The following HDAC3 variants were observed in gnomAD, a reference collection of about 807,000 sequenced individuals.
HDAC3 encodes histone deacetylase 3, also known as SMAP45.
Under a neutral mutation model 62.3 loss-of-function variants are expected in HDAC3, and 21 were observed. That is an observed-to-expected ratio of 0.34 (90% CI 0.24 to 0.49). The LOEUF is 0.49. Among genes scored for constraint, HDAC3 ranks in the 20% least tolerant of loss-of-function variants. The probability of loss-of-function intolerance (pLI) is 0.99; values close to 1 mark genes in which losing one functional copy is unlikely to be tolerated. For missense variants in HDAC3, 270 were observed against 556.9 expected (o/e 0.48, Z 5.19); for synonymous variants, 198 against 206.5 (o/e 0.96, Z 0.35).
In HDAC3 at chr5:141,629,097, C is replaced by T; in HGVS notation, c.610+76G>A. On this transcript the variant is annotated intron_variant, in intron 7 of 14. Transcript: ENST00000305264. This position sits in a 1 kb window ranked among gnomAD's most constrained non-coding sequence, Gnocchi z 5.3. ...TGAGGAGGGGACACCTGAGATGAGA[C>T]TAGAAGGCTGAGAAGGAGGCACTCA... is the stretch of plus-strand genomic sequence containing the variant. 1 of 1,502,126 alleles carries T rather than the reference C, an allele frequency of 6.7e-7. No individual in the cohort carries two copies. Among genetic ancestry groups the T allele is most frequent in the Non-Finnish European group, 9.1e-7 (1 of 1,095,604 alleles). The allele number at this position is 1,502,126 out of a possible 1,614,324, so 93.0% of individuals were successfully genotyped here. A position where few individuals can be genotyped will look rare whatever the true frequency, so the allele number is the denominator to read the frequency against.
intron 14 of HDAC3, among the ~76,000 whole-genome samples, chr5:141,622,242 T>G (rs2154597687): frequency 6.6e-6 from 1 of 152,264 alleles, no homozygotes; most frequent in South Asian, 2.1e-4. Flanking sequence ...AAACCCATAG[T>G]GAAAGAATGG....
rs1167002377 is a variant in HDAC3 at position 141,629,267 on chromosome 5, G to A, written c.516C>T (p.His172=). The change falls in exon 7 of 15, where the codon CAC becomes CAT. Residue 172 remains histidine, a synonymous_variant. Transcript: ENST00000305264. This position sits in a 1 kb window ranked among gnomAD's most constrained non-coding sequence, Gnocchi z 5.3. ...PRVLYIDIDI[H]HGDGVQEAFY... is the part of the protein sequence containing the mutation. ...AAGCTTCTTGAACCCCGTCACCATGGTGGATGTCAATGTCAATGTAGAGCA... is the reference window on the plus strand; with the variant it reads ...AAGCTTCTTGAACCCCGTCACCATGATGGATGTCAATGTCAATGTAGAGCA... 1.2e-6 allele frequency: 2 copies of A among 1,614,082 alleles called. No individual in the cohort carries two copies. Among genetic ancestry groups the A allele is most frequent in the African/African-American group, 2.7e-5 (2 of 74,924 alleles).
intron 10 of HDAC3, among the ~76,000 whole-genome samples, chr5:141,627,448 C>A (rs533362309): frequency 8.6e-4 from 131 of 152,292 alleles, no homozygotes; most frequent in African/African-American, 3.1e-3. Context: ...TGACTCACTC[C>A]TTCTTAGTCT....
chr5:141,631,138 T>C (rs1331753515), intron 3 of HDAC3, among the ~76,000 whole-genome samples: 1 of 150,974 alleles, frequency 6.6e-6, no homozygotes, highest in Non-Finnish European at 1.5e-5. Context: ...AAAAAAAAAA[T>C]AGTGCAGCTG....
Position 141,626,004 on chromosome 5 carries a change from G to A in HDAC3, c.979+9C>T, listed in dbSNP as rs548295097. 1.1e-4 allele frequency: 180 copies of A among 1,609,522 alleles called. No homozygotes were observed. Among genetic ancestry groups the A allele is most frequent in the Non-Finnish European group, 1.1e-4 (132 of 1,175,974 alleles). ...TCCTGTTATGGGGGTGTTGTGGGGT[G>A]GTCCTTACCACTATAGGGAAGCTCC... On this transcript the variant is annotated intron_variant, in intron 12 of 14. Transcript: ENST00000305264. This position sits in a 1 kb window ranked among gnomAD's most constrained non-coding sequence, Gnocchi z 4.6.
At chr5:141,624,403 A>AAAAAG (rs2099904156) in intron 14 of HDAC3, among the ~76,000 whole-genome samples, 1 of 145,288 alleles carries the variant, frequency 6.9e-6, no homozygotes, top group Non-Finnish European at 1.5e-5. Flanking sequence ...AAAAAAAAAA[A>AAAAAG]AAAATTAGCC....
chr5:141,629,797 C>G lies in HDAC3; in HGVS notation c.421-58G>C. ...AGCAATTCCCCTCCCAGCTGCCCCCCACCATCATCCTAAACACCTACCCTA... is the reference window on the plus strand; with the variant it reads ...AGCAATTCCCCTCCCAGCTGCCCCCGACCATCATCCTAAACACCTACCCTA... On this transcript the variant is annotated intron_variant, in intron 5 of 14. Coordinates refer to ENST00000305264, the MANE Select transcript of HDAC3 (RefSeq NM_003883.4). The surrounding 1 kb of genome is among the most constrained non-coding windows in gnomAD (Gnocchi z 5.3). 2 of 1,611,736 alleles carry G rather than the reference C, an allele frequency of 1.2e-6. No individual in the cohort carries two copies. Among genetic ancestry groups the G allele is most frequent in the Non-Finnish European group, 1.7e-6 (2 of 1,177,846 alleles).
At position 141,626,202 on chromosome 5, in the gene HDAC3, G is replaced by C; in HGVS notation, c.912C>G (p.Ala304=). The part of the protein sequence containing the change: ...GGGGYTVRNV[A]RCWTYETSLL... Reference sequence around the variant, plus strand: ...ATCAGGAGAGTGCTCACCAGCAGCGGGCAACATTTCGGACAGTATAACCAC... The same window carrying C: ...ATCAGGAGAGTGCTCACCAGCAGCGCGCAACATTTCGGACAGTATAACCAC... The change falls in exon 11 of 15, where the codon GCC becomes GCG. Residue 304 remains alanine, a synonymous_variant. Coordinates refer to ENST00000305264, the MANE Select transcript of HDAC3 (RefSeq NM_003883.4). This position sits in a 1 kb window ranked among gnomAD's most constrained non-coding sequence, Gnocchi z 4.6. 1 of 1,613,932 alleles carries C rather than the reference G, an allele frequency of 6.2e-7. No homozygotes were observed.
At chr5:141,634,650 G>A (rs1044552840) in intron 3 of HDAC3, among the ~76,000 whole-genome samples, 161 bp downstream of exon 3, 1 of 152,148 alleles carries the variant, frequency 6.6e-6, no homozygotes, top group Non-Finnish European at 1.5e-5. Flanking sequence ...GGCCTGCCTA[G>A]AACAAGTGAC....
intron 3 of HDAC3, among the ~76,000 whole-genome samples, chr5:141,633,849 G>T (rs925182687): frequency 1.5e-5 from 2 of 132,110 alleles, no homozygotes; most frequent in African/African-American, 5.8e-5. Context: ...AAAAAAAAAA[G>T]AGTGGCCATT....
chr5:141,623,180 G>A (rs1478802670), intron 14 of HDAC3, among the ~76,000 whole-genome samples: 2 of 152,060 alleles, frequency 1.3e-5, no homozygotes, highest in Non-Finnish European at 2.9e-5. Context: ...TTCCTCCCGT[G>A]TTAATCTGAA....
At position 141,626,347 on chromosome 5, in the gene HDAC3, G is replaced by A. The variant is rs2099904414; in HGVS notation, c.831-64C>T. On this transcript the variant is annotated intron_variant, in intron 10 of 14. Transcript: ENST00000305264. The surrounding 1 kb of genome is among the most constrained non-coding windows in gnomAD (Gnocchi z 4.6). ...TCAAAAGACAAGGTAAATACCTTTA[G>A]GTATTGCCTGAAAGGAGCACAAGAA... 11 of 1,212,916 alleles carry A rather than the reference G, an allele frequency of 9.1e-6. No individual in the cohort carries two copies. The highest frequency in any genetic ancestry group is 1.2e-5 in the South Asian group (1 of 81,458). The allele number at this position is 1,212,916 out of a possible 1,614,324, so 75.1% of individuals were successfully genotyped here.
intron 2 of HDAC3, chr5:141,635,298 ATTC>A (rs1213008440): frequency 4.9e-6 from 1 of 202,878 alleles, no homozygotes; most frequent in African/African-American, 2.3e-5. Context: ...TTTCCTCTGG[ATTC>A]TTCTTTCTGG....
chr5:141,634,661 C>T, intron 3 of HDAC3, 150 bp downstream of exon 3: 1 of 857,826 alleles, frequency 1.2e-6, no homozygotes, highest in South Asian at 1.8e-5. Context: ...AACAAGTGAC[C>T]AATAAATATT....
Position 141,628,445 on chromosome 5 carries a change from GCC to G in HDAC3, c.691+112_691+113del. 1.2e-6 allele frequency: 1 copy of G among 858,366 alleles called. No homozygotes were observed. Among genetic ancestry groups the G allele is most frequent in the Non-Finnish European group, 2.0e-6 (1 of 512,272 alleles). 53.2% of individuals were successfully genotyped at this position (858,366 alleles called of 1,614,324 possible). ...CCAGAGATTCATGGTCCCTCTGAAG[GCC>G]ATTCATCCTTAAGGACAACTGGCCC... On this transcript the variant is annotated intron_variant, in intron 8 of 14. Transcript: ENST00000305264. This position sits in a 1 kb window ranked among gnomAD's most constrained non-coding sequence, Gnocchi z 4.7.
chr5:141,621,335 G>C lies in HDAC3; in HGVS notation c.*133C>G, dbSNP rs1231617768. The C allele has an allele frequency of 1.3e-6, 1 of 754,952 alleles. No individual in the cohort carries two copies. Among genetic ancestry groups the C allele is most frequent in the Non-Finnish European group, 2.3e-6 (1 of 435,326 alleles). The allele number at this position is 754,952 out of a possible 1,614,324, so 46.8% of individuals were successfully genotyped here. On this transcript the variant is annotated 3_prime_UTR_variant, in exon 15 of 15. Transcript: ENST00000305264. ...GTAGATGGTTCGAGAACCAAATGTG[G>C]TCTCCAGACTCTTTCCCAGAGTCAG... is the stretch of plus-strand genomic sequence containing the variant.
rs546526275 is a variant in HDAC3, at chr5:141,625,499, T to G, written c.1060-134A>C. 11 of 1,137,960 alleles carry G rather than the reference T, an allele frequency of 9.7e-6. No individual in the cohort carries two copies. Among genetic ancestry groups the G allele is most frequent in the Non-Finnish European group, 1.4e-5 (11 of 768,242 alleles). The allele number at this position is 1,137,960 out of a possible 1,614,324, so 70.5% of individuals were successfully genotyped here. A position where few individuals can be genotyped will look rare whatever the true frequency, so the allele number is the denominator to read the frequency against. On this transcript the variant is annotated intron_variant, in intron 13 of 14. Coordinates refer to ENST00000305264, the MANE Select transcript of HDAC3 (RefSeq NM_003883.4). The surrounding 1 kb of genome is among the most constrained non-coding windows in gnomAD (Gnocchi z 4.0). Reference sequence around the variant, plus strand: ...CCTCTAGTTCAGGTCCCCCAACTGATAGCTCTCCCTCCCCACCAACCCCAA... The same window carrying G: ...CCTCTAGTTCAGGTCCCCCAACTGAGAGCTCTCCCTCCCCACCAACCCCAA...
At chr5:141,635,084 T>A in intron 2 of HDAC3, 131 bp from the exon 3 acceptor site, 1 of 886,104 alleles carries the variant, frequency 1.1e-6, no homozygotes, top group Non-Finnish European at 1.7e-6. Flanking sequence ...CCACAATCCT[T>A]AAGTCAGTAG....
chr5:141,625,239 C>T lies in HDAC3; in HGVS notation c.1186G>A (p.Glu396Lys), dbSNP rs1211908187. 6.2e-7 allele frequency: 1 copy of T among 1,613,814 alleles called. No individual in the cohort carries two copies. The highest frequency in any genetic ancestry group is 8.5e-7 in the Non-Finnish European group (1 of 1,179,986). The change falls in exon 14 of 15, where the codon GAG becomes AAG. Residue 396 changes from glutamate to lysine, a missense_variant. Around this residue, in one of 5 missense-constraint regions of HDAC3, gnomAD observed 44 missense variants for 64.3 expected, o/e 0.68. Transcript: ENST00000305264. This position sits in a 1 kb window ranked among gnomAD's most constrained non-coding sequence, Gnocchi z 4.0. ...TYDRTDEADA[E>K]ERGPEENYSR... is the part of the protein sequence containing the mutation. ...TAGTTCTCCTCAGGACCCCTCTCCT[C>T]TGCATCAGCCTCATCAGTCCTGTCA...
Sources: gnomAD v4.1 joint callset for allele counts (sites outside exome capture counted in the v4.1 genomes callset) on GRCh38, gnomAD v4.1.1 for gene constraint, gnomAD v4.1.1 regional missense constraint, Gnocchi (gnomAD v3.1) non-coding constraint, MANE v1.5 for transcripts, NCBI Gene and HGNC (gene_info 2026-07-23, HGNC 2026-07-21) for gene names.